The following SYN2 variants were observed in gnomAD, a reference collection of about 807,000 sequenced individuals.
SYN2 encodes synapsin II, also known as synapsin-2.
A neutral mutation model predicts 50.9 loss-of-function variants in SYN2; 19 were observed. The observed-to-expected ratio is 0.37, with a 90% CI of 0.26 to 0.55. The LOEUF (loss-of-function observed/expected upper bound fraction) is 0.55, where lower values mean the gene tolerates loss of function less well. Among genes scored for constraint, SYN2 ranks in the 20% least tolerant of loss-of-function variants. SYN2 has a pLI of 0.81. For missense variants in SYN2, 587 were observed against 576.4 expected, an observed-to-expected ratio of 1.02 and a Z score of -0.19; for synonymous variants, 255 against 224.9, an observed-to-expected ratio of 1.13 and a Z score of -1.20.
chr3:12,132,128 T>A (rs926440074), intron 1 of SYN2, among the ~76,000 whole-genome samples: 2 of 150,730 alleles, frequency 1.3e-5, no homozygotes, highest in African/African-American at 4.9e-5. Context: ...AGCCTCAGCC[T>A]CCCAGGTAGT....
chr3:12,026,342 A>G (rs964830125), intron 1 of SYN2, among the ~76,000 whole-genome samples: 6 of 152,300 alleles, frequency 3.9e-5, no homozygotes, highest in Non-Finnish European at 7.3e-5. Flanking sequence ...TAAGGGCCCT[A>G]TCAACTTCGT....
At chr3:12,161,799 G>T in intron 6 of SYN2, 191 bp downstream of exon 6, 1 of 962,834 alleles carries the variant, frequency 1.0e-6, no homozygotes, top group Non-Finnish European at 1.5e-6. Context: ...CAAGCCACCT[G>T]CTTGGTCCTC....
chr3:12,184,109 T>C (rs1028950579), intron 11 of SYN2: 37 of 985,842 alleles, frequency 3.8e-5, no homozygotes, highest in Non-Finnish European at 4.2e-5. Flanking sequence ...CTTGTGTTTT[T>C]AGTGATGACA....
At chr3:12,139,653 G>A (rs1197184678) in intron 1 of SYN2, among the ~76,000 whole-genome samples, 1 of 152,142 alleles carries the variant, frequency 6.6e-6, no homozygotes, top group African/African-American at 2.4e-5. Context: ...AGAACATGAT[G>A]CCCAATAAAT....
At position 12,169,828 on chromosome 3, in the gene SYN2, C is replaced by T. The variant is rs568708723; in HGVS notation, c.1230C>T (p.Val410=). 2 of 1,613,928 alleles carry T rather than the reference C, an allele frequency of 1.2e-6. No individual in the cohort carries two copies. Among genetic ancestry groups the T allele is most frequent in the Admixed American group, 1.7e-5 (1 of 60,018 alleles). Residue 410 remains valine, a synonymous_variant, in exon 10 of 13, where the codon GTC becomes GTT. Transcript: ENST00000621198. ...ACAGGCAACTCATCACCGAACTAGTCATCAGCAAGATGAACCAGCTGCTGT... is the reference window on the plus strand; with the variant it reads ...ACAGGCAACTCATCACCGAACTAGTTATCAGCAAGATGAACCAGCTGCTGT... ...VEDRQLITEL[V]ISKMNQLLSR...
chr3:12,033,329 C>T (rs1416467331), intron 1 of SYN2, among the ~76,000 whole-genome samples: 1 of 152,190 alleles, frequency 6.6e-6, no homozygotes. Flanking sequence ...GCGTTGCTCA[C>T]GCTGGGAGCT....
At chr3:12,075,327 A>G (rs1191121940) in intron 1 of SYN2, among the ~76,000 whole-genome samples, 1 of 152,182 alleles carries the variant, frequency 6.6e-6, no homozygotes, top group Non-Finnish European at 1.5e-5. Flanking sequence ...TTTTCTCCAA[A>G]GAAATAGAAT....
chr3:12,174,625 G>T (rs1268999800), intron 10 of SYN2, among the ~76,000 whole-genome samples: 6 of 152,138 alleles, frequency 3.9e-5, no homozygotes, highest in Admixed American at 3.3e-4. Context: ...GGGATTACAG[G>T]CACGCGCCAC....
At chr3:12,149,767 G>C (rs577996788) in intron 4 of SYN2, among the ~76,000 whole-genome samples, 30 of 152,274 alleles carry the variant, frequency 2.0e-4, no homozygotes, top group African/African-American at 7.0e-4. Context: ...AGGAATTCCA[G>C]TGTTTTCCAG....
At chr3:12,146,669 G>C (rs1013487535) in intron 4 of SYN2, among the ~76,000 whole-genome samples, 3 of 152,184 alleles carry the variant, frequency 2.0e-5, no homozygotes, top group Non-Finnish European at 4.4e-5. Context: ...GGAGGAAACT[G>C]TTCTGGTTTT....
intron 5 of SYN2, among the ~76,000 whole-genome samples, chr3:12,161,265 C>T (rs1405002724): frequency 1.3e-5 from 2 of 152,102 alleles, no homozygotes; most frequent in East Asian, 1.9e-4. Flanking sequence ...CAGTCCTGCC[C>T]AGGTTTTGTC....
intron 1 of SYN2, among the ~76,000 whole-genome samples, chr3:12,052,584 G>A (rs1242688374): frequency 1.3e-5 from 2 of 152,132 alleles, no homozygotes; most frequent in East Asian, 3.9e-4. Context: ...TGAAGAATGT[G>A]GCACCATTGT....
chr3:12,170,293 G>A (rs1697910212), intron 10 of SYN2, among the ~76,000 whole-genome samples: 1 of 152,208 alleles, frequency 6.6e-6, no homozygotes, highest in Non-Finnish European at 1.5e-5. Flanking sequence ...GCTTCACTGT[G>A]TTGAGCCTGC....
chr3:12,015,209 C>G (rs1043242052), intron 1 of SYN2, among the ~76,000 whole-genome samples: 1 of 152,218 alleles, frequency 6.6e-6, no homozygotes, highest in Non-Finnish European at 1.5e-5. Context: ...CGTCTAGCAT[C>G]AGGACTTAAT....
intron 1 of SYN2, among the ~76,000 whole-genome samples, chr3:12,130,869 G>A (rs17035873): frequency 0.081 from 12,350 of 152,176 alleles, 616 homozygotes; most frequent in African/African-American, 0.13. Context: ...GGTTTCATTC[G>A]GACTAGGCTT....
chr3:12,185,178 A>G (rs926067520), intron 11 of SYN2: 7 of 985,770 alleles, frequency 7.1e-6, no homozygotes, highest in Non-Finnish European at 8.4e-6. Flanking sequence ...GATGGGTTGC[A>G]TAAGAATCAG....
chr3:12,062,831 C>T (rs1214911509), intron 1 of SYN2, among the ~76,000 whole-genome samples: 1 of 151,948 alleles, frequency 6.6e-6, no homozygotes, highest in African/African-American at 2.4e-5. Flanking sequence ...CTGGAAGCAA[C>T]CAAGATGTCC....
intron 1 of SYN2, among the ~76,000 whole-genome samples, chr3:12,121,918 G>T (rs1038495982): frequency 2.0e-5 from 3 of 152,174 alleles, no homozygotes; most frequent in South Asian, 2.1e-4. Context: ...GGGGCAGCAG[G>T]CTGGGTTTCT....
chr3:12,154,796 CCT>C (rs1205094243), intron 5 of SYN2, among the ~76,000 whole-genome samples: 1 of 152,106 alleles, frequency 6.6e-6, no homozygotes, highest in African/African-American at 2.4e-5. Flanking sequence ...AGTTGTATAA[CCT>C]CTCAGCTGGA....
Sources: allele counts gnomAD v4.1 joint callset (sites outside exome capture counted in the v4.1 genomes callset), GRCh38; gene constraint gnomAD v4.1.1; transcripts MANE v1.5; gene names NCBI Gene and HGNC (gene_info 2026-07-23, HGNC 2026-07-21).